Variants in BECN1 observed in about 807,000 individuals in gnomAD.
BECN1 encodes the protein beclin-1.
BECN1 carries 15 observed loss-of-function variants against 60.1 expected under a neutral mutation model. The observed-to-expected ratio is 0.25, with a 90% CI of 0.17 to 0.38. The LOEUF is 0.38. Ranked by LOEUF, BECN1 falls within the 10% of genes least tolerant of loss-of-function variation. The pLI, the probability that BECN1 is intolerant of heterozygous loss-of-function variation, is 1.00. For synonymous variants in BECN1, 179 were observed against 201.8 expected (o/e 0.89, Z 0.96); for missense variants, 424 against 548.2 (o/e 0.77, Z 2.26).
chr17:42,816,463 C>A (rs1210309486), intron 7 of BECN1, among the ~76,000 whole-genome samples: 1 of 151,168 alleles, frequency 6.6e-6, no homozygotes, highest in Non-Finnish European at 1.5e-5. Context: ...AGCAGTCCGG[C>A]CAATGTGGTG....
rs201765061 is a variant in BECN1, at chr17:42,818,767, C to T, written c.351+20G>A. ...TCCCAGCCAGGCCTACTGCTTGCCA[C>T]CGGAATGGGGCCGACTTGCCTTCAG... On this transcript the variant is annotated intron_variant, in intron 5 of 11. Transcript: ENST00000590099. The T allele has an allele frequency of 5.5e-5, 89 of 1,614,048 alleles. No individual in the cohort carries two copies. In the Admixed American group the frequency reaches 9.0e-4, roughly 16 times the overall value.
chr17:42,820,881 T>A, intron 2 of BECN1, 40 bp from the exon 3 acceptor site: 1 of 1,524,080 alleles, frequency 6.6e-7, no homozygotes, highest in Non-Finnish European at 9.0e-7. Context: ...ACAGTCTTAT[T>A]AAAGCAGGAG....
intron 1 of BECN1, 87 bp from the exon 2 acceptor site, chr17:42,823,966 G>A: frequency 6.7e-7 from 1 of 1,502,816 alleles, no homozygotes; most frequent in East Asian, 2.4e-5. Context: ...GGTGACGATG[G>A]TAAAGGGAGG....
At chr17:42,812,909 A>C (rs1183354666) in intron 10 of BECN1, 1 of 117,326 alleles carries the variant, frequency 8.5e-6, no homozygotes, top group Non-Finnish European at 1.6e-5. Flanking sequence ...ATCTCGGCTT[A>C]CTGTAAGCTC....
In BECN1 at chr17:42,810,467, G is replaced by GT; in HGVS notation, c.*292dup. ...AACACATCAATCTCAATTCAACTCA[G>GT]TTAAAAAAAAGAAAAGCAAATTTAA... On this transcript the variant is annotated 3_prime_UTR_variant, in exon 12 of 12. Transcript: ENST00000590099. 1 of 204,692 alleles carries GT rather than the reference G, an allele frequency of 4.9e-6. No individual in the cohort carries two copies. The highest frequency in any genetic ancestry group is 9.7e-6 in the Non-Finnish European group (1 of 102,910). The allele number at this position is 204,692 out of a possible 1,614,324, so 12.7% of individuals were successfully genotyped here.
At chr17:42,816,649 C>CAAA (rs1312388751) in intron 7 of BECN1, among the ~76,000 whole-genome samples, 13 of 77,270 alleles carry the variant, frequency 1.7e-4, no homozygotes, top group African/African-American at 5.1e-4. Flanking sequence ...GACTCTGTCT[C>CAAA]AAAAAAAAAA....
Position 42,810,886 on chromosome 17 carries a change from A to G in BECN1, c.1227T>C (p.Ser409=), listed in dbSNP as rs2054984326. ...EKGKIEDTGG[S]GGSYSIKTQF... is the part of the protein sequence containing the mutation. The stretch of plus-strand genomic sequence containing the variant: ...GGGTTTTGATGGAATAGGAGCCGCC[A>G]CTGCCTCCTGTGTCTTCAATCTTGC... The change falls in exon 12 of 12, where the codon AGT becomes AGC. Residue 409 remains serine, a synonymous_variant. Transcript: ENST00000590099. 6.2e-7 allele frequency: 1 copy of G among 1,612,856 alleles called. No homozygotes were observed. Among genetic ancestry groups the G allele is most frequent in the Non-Finnish European group, 8.5e-7 (1 of 1,179,490 alleles).
chr17:42,820,932 T>C (rs551812171), intron 2 of BECN1, 91 bp from the exon 3 acceptor site: 79 of 1,085,192 alleles, frequency 7.3e-5, no homozygotes, highest in Non-Finnish European at 1.0e-4. Context: ...AATATTCTCA[T>C]CACCACCCTC....
intron 10 of BECN1, chr17:42,813,684 C>G: frequency 7.3e-6 from 2 of 275,350 alleles, no homozygotes; most frequent in Non-Finnish European, 1.4e-5. Context: ...AAACATCTAT[C>G]TCACGGTGAT....
At chr17:42,814,377 A>G in intron 9 of BECN1, 147 bp downstream of exon 9, 1 of 1,088,996 alleles carries the variant, frequency 9.2e-7, no homozygotes, top group South Asian at 1.5e-5. Context: ...GATGAGGGGA[A>G]AATCAGATGC....
At chr17:42,812,019 G>A in intron 10 of BECN1, 1 of 504,988 alleles carries the variant, frequency 2.0e-6, no homozygotes, top group Non-Finnish European at 3.4e-6. Flanking sequence ...ATGTACCATA[G>A]GTTGAGCATC....
chr17:42,819,584 T>C lies in BECN1; in HGVS notation c.224A>G (p.Gln75Arg), dbSNP rs1300700992. ...GATGAATCTGCGAGAGACACCATCC[T>C]GGCGAGGAGTTTCAATAAATGGCTC... ...GEEPFIETPR[Q>R]DGVSRRFIPP... The change falls in exon 4 of 12, where the codon CAG becomes CGG. Residue 75 changes from glutamine (Q) to arginine (R), a missense_variant. Around this residue, in one of 3 missense-constraint regions of BECN1, gnomAD observed 96 missense variants for 125.6 expected, o/e 0.76. Coordinates refer to ENST00000590099, the MANE Select transcript of BECN1 (RefSeq NM_001313998.2). The C allele has an allele frequency of 2.5e-6, 4 of 1,613,830 alleles. No individual in the cohort carries two copies. Among genetic ancestry groups the C allele is most frequent in the Non-Finnish European group, 3.4e-6 (4 of 1,179,966 alleles).
chr17:42,816,873 G>A (rs1466808406), intron 7 of BECN1, among the ~76,000 whole-genome samples: 4 of 152,102 alleles, frequency 2.6e-5, no homozygotes, highest in Admixed American at 1.3e-4. Flanking sequence ...GGGAGGCTGA[G>A]GTAGGAGAAT....
In BECN1 at chr17:42,814,022, A is replaced by G; in HGVS notation, c.981-14T>C. The stretch of plus-strand genomic sequence containing the variant: ...ACAAGTCGGTATCTAAAATAGAGAT[A>G]CAAACAGAGATGGATACAGGACTCC... On this transcript the variant is annotated splice_polypyrimidine_tract_variant and intron_variant, in intron 9 of 11. Coordinates refer to ENST00000590099, the MANE Select transcript of BECN1 (RefSeq NM_001313998.2). 1 of 1,572,978 alleles carries G rather than the reference A, an allele frequency of 6.4e-7. No individual in the cohort carries two copies. The highest frequency in any genetic ancestry group is 8.7e-7 in the Non-Finnish European group (1 of 1,148,632).
Position 42,823,616 on chromosome 17 carries a change from C to A in BECN1, c.130+132G>T, listed in dbSNP as rs1342392915. The A allele has an allele frequency of 2.4e-6, 3 of 1,273,096 alleles. No homozygotes were observed. In the East Asian group the frequency reaches 7.6e-5, roughly 32 times the overall value. 78.9% of individuals were successfully genotyped at this position (1,273,096 alleles called of 1,614,324 possible). A position where few individuals can be genotyped will look rare whatever the true frequency, so the allele number is the denominator to read the frequency against. ...ATGTTTCCAAGGAGAAAACAGGGAG[C>A]CAGATGAAGTGACTTTCCTAGGTTC... is the stretch of plus-strand genomic sequence containing the variant. On this transcript the variant is annotated intron_variant, in intron 2 of 11. Coordinates refer to ENST00000590099, the MANE Select transcript of BECN1 (RefSeq NM_001313998.2).
At position 42,815,990 on chromosome 17, in the gene BECN1, C is replaced by A; in HGVS notation, c.748G>T (p.Val250Phe). ...QLELDDELKS[V>F]ENQMRYAQTQ... is the part of the protein sequence containing the mutation. ...TGGGCATAACGCATCTGGTTTTCAA[C>A]ACTCTTCAGCTCATCATCCAGCTCC... Residue 250 changes from valine (V) to phenylalanine (F), a missense_variant, in exon 8 of 12, where the codon GTT becomes TTT. Physicochemically the swap from Val to Phe is conservative, Grantham distance 50. Around this residue, in one of 3 missense-constraint regions of BECN1, gnomAD observed 326 missense variants for 406.2 expected, o/e 0.80. Coordinates refer to ENST00000590099, the MANE Select transcript of BECN1 (RefSeq NM_001313998.2). 6.2e-7 allele frequency: 1 copy of A among 1,613,650 alleles called. No individual in the cohort carries two copies. Among genetic ancestry groups the A allele is most frequent in the Non-Finnish European group, 8.5e-7 (1 of 1,179,744 alleles).
chr17:42,815,329 A>G (rs771741769), intron 8 of BECN1, among the ~76,000 whole-genome samples: 3 of 151,990 alleles, frequency 2.0e-5, no homozygotes, highest in Non-Finnish European at 4.4e-5. Flanking sequence ...TCTCTCTGCT[A>G]GGAACAACCC....
At chr17:42,814,932 T>A in intron 8 of BECN1, 4 of 496,596 alleles carry the variant, frequency 8.1e-6, no homozygotes, top group Non-Finnish European at 1.1e-5. Flanking sequence ...CTCTCCTGAT[T>A]CTACCTGCTA....
chr17:42,813,736 C>T (rs2055086272), intron 10 of BECN1: 1 of 427,678 alleles, frequency 2.3e-6, no homozygotes, highest in Admixed American at 4.0e-5. Context: ...CTGACCTGCC[C>T]ATATCCCTTC....
Sources: gnomAD v4.1 joint callset for allele counts (sites outside exome capture counted in the v4.1 genomes callset) on GRCh38, gnomAD v4.1.1 for gene constraint, gnomAD v4.1.1 regional missense constraint, MANE v1.5 for transcripts, NCBI Gene and HGNC (gene_info 2026-07-23, HGNC 2026-07-21) for gene names.